Variants in SLC2A14 observed in about 807,000 individuals in gnomAD.
SLC2A14 encodes solute carrier family 2 member 14.
Under a neutral mutation model 43.0 loss-of-function variants are expected in SLC2A14, and 13 were observed. The observed-to-expected ratio is 0.30, with a 90% confidence interval of 0.20 to 0.48. The LOEUF (loss-of-function observed/expected upper bound fraction) is 0.48. Among genes scored for constraint, SLC2A14 ranks in the 20% least tolerant of loss-of-function variants. SLC2A14 has a pLI of 0.99. For synonymous variants in SLC2A14, 190 were observed against 233.8 expected (o/e 0.81, Z 1.71); for missense variants, 428 against 620.4 (o/e 0.69, Z 3.29).
chr12:7,890,898 T>A, intron 1 of SLC2A14: 1 of 1,362,102 alleles, frequency 7.3e-7, no homozygotes, highest in Non-Finnish European at 9.8e-7. Flanking sequence ...ACTGTGCTGA[T>A]TAAGAGAGAC....
At chr12:7,846,100 A>AAAAG (rs137928801) in intron 2 of SLC2A14, among the ~76,000 whole-genome samples, 1 of 152,024 alleles carries the variant, frequency 6.6e-6, no homozygotes, top group Non-Finnish European at 1.5e-5. Context: ...CTAAACAAAA[A>AAAAG]AAAGAAAGAA....
intron 2 of SLC2A14, 134 bp downstream of exon 2, chr12:7,869,729 A>G (rs1442955037): frequency 1.3e-5 from 7 of 553,888 alleles, no homozygotes; most frequent in Admixed American, 1.0e-4. Context: ...TGGCTGTAAC[A>G]GTCTCTCCCA....
intron 5 of SLC2A14, among the ~76,000 whole-genome samples, chr12:7,829,280 G>T (rs1333863043): frequency 1.2e-4 from 19 of 152,034 alleles, no homozygotes; most frequent in Admixed American, 9.2e-4. Context: ...TTTAAAAATT[G>T]CCGGGCACAG....
At chr12:7,818,884 G>A (rs560696820) in intron 9 of SLC2A14, among the ~76,000 whole-genome samples, 118 of 151,770 alleles carry the variant, frequency 7.8e-4, no homozygotes, top group Admixed American at 6.0e-3. Flanking sequence ...CTGAGACCCC[G>A]TCATCATCCA....
rs60468169 is a variant in SLC2A14, at chr12:7,831,124, CA to C, written c.272+479del. On this transcript the variant is annotated intron_variant, in intron 4 of 10. Transcript: ENST00000431042. ...AGGTGACAAGAGCAAGACTCCATCT[CA>C]AAAAAAAAAAAAAAGACGATTCAGT... 4.3e-3 allele frequency: 517 copies of C among 120,270 alleles called. 3 individuals carry two copies. Among genetic ancestry groups the C allele is most frequent in the East Asian group, 0.011 (47 of 4,242 alleles). 7.5% of individuals were successfully genotyped at this position (120,270 alleles called of 1,614,324 possible).
At chr12:7,815,645 C>G (rs762092108) in intron 10 of SLC2A14, among the ~76,000 whole-genome samples, 1 of 151,240 alleles carries the variant, frequency 6.6e-6, no homozygotes, top group East Asian at 2.0e-4. Flanking sequence ...GGCATGAGCT[C>G]CGCTCACAGC....
intron 7 of SLC2A14, among the ~76,000 whole-genome samples, chr12:7,823,137 A>G (rs1238963867): frequency 6.6e-6 from 1 of 152,120 alleles, no homozygotes; most frequent in Non-Finnish European, 1.5e-5. Context: ...AATCCCAGCA[A>G]TTTGGGAGCC....
At chr12:7,885,554 GT>G (rs35993511) in intron 1 of SLC2A14, among the ~76,000 whole-genome samples, 1,514 of 148,908 alleles carry the variant, frequency 0.01, 23 homozygotes, top group Non-Finnish European at 0.016. Context: ...AAATTGGTAA[GT>G]TTTTTTTTTT....
chr12:7,826,124 C>T (rs905999381), intron 7 of SLC2A14, among the ~76,000 whole-genome samples: 11 of 152,100 alleles, frequency 7.2e-5, no homozygotes, highest in Admixed American at 4.6e-4. Flanking sequence ...TCCAGTAATA[C>T]GTGTGGCCTA....
chr12:7,860,130 G>A lies in SLC2A14; in HGVS notation c.18+9733C>T, dbSNP rs143487364. 5.7e-3 allele frequency among the ~76,000 whole-genome samples: 872 copies of A among 152,154 alleles called. 13 individuals carry two copies. Among genetic ancestry groups the A allele is most frequent in the African/African-American group, 0.019 (793 of 41,514 alleles). ...ACCAGGTGGCAGTGTATATCTTTGC[G>A]CCATCCCTCCCAGTACTGGCCCTGG... On this transcript the variant is annotated intron_variant, in intron 2 of 10. Coordinates refer to ENST00000431042, the MANE Select transcript of SLC2A14 (RefSeq NM_001286234.2).
chr12:7,857,894 C>T (rs1032024005), intron 2 of SLC2A14, among the ~76,000 whole-genome samples: 2 of 151,998 alleles, frequency 1.3e-5, no homozygotes, highest in Non-Finnish European at 2.9e-5. Flanking sequence ...GAGGCCAAGG[C>T]AGGAGGATCA....
At chr12:7,888,308 G>T (rs1176666819) in intron 1 of SLC2A14, among the ~76,000 whole-genome samples, 2 of 152,010 alleles carry the variant, frequency 1.3e-5, no homozygotes, top group African/African-American at 4.8e-5. Context: ...AGTAATGAAA[G>T]AAATAAAGAA....
chr12:7,880,260 A>G (rs1945541823), intron 1 of SLC2A14, among the ~76,000 whole-genome samples: 1 of 152,008 alleles, frequency 6.6e-6, no homozygotes, highest in African/African-American at 2.4e-5. Flanking sequence ...AGATCGCGCC[A>G]TTGCACCCTA....
chr12:7,812,996 T>G lies in SLC2A14; in HGVS notation c.*1320A>C, dbSNP rs1472419990. 6.6e-6 allele frequency: 1 copy of G among 151,930 alleles called. No individual in the cohort carries two copies. Among genetic ancestry groups the G allele is most frequent in the East Asian group, 1.9e-4 (1 of 5,196 alleles). The allele number at this position is 151,930 out of a possible 1,614,324, so 9.4% of individuals were successfully genotyped here. On this transcript the variant is annotated 3_prime_UTR_variant, in exon 11 of 11. Coordinates refer to ENST00000431042, the MANE Select transcript of SLC2A14 (RefSeq NM_001286234.2). ...CTCATACTGTCTAAACCTGGTTTAT[T>G]GGAAAGATTCAAGTCCCCTGAGGGC... is the stretch of plus-strand genomic sequence containing the variant.
At chr12:7,881,545 C>G (rs865778964) in intron 1 of SLC2A14, among the ~76,000 whole-genome samples, 14 of 152,258 alleles carry the variant, frequency 9.2e-5, no homozygotes, top group African/African-American at 3.1e-4. Flanking sequence ...ACCTGCAGCC[C>G]GCCATGCCTG....
rs373672151 is a variant in SLC2A14 at position 7,871,034 on chromosome 12, C to T, written c.-57-1097G>A. On this transcript the variant is annotated intron_variant, in intron 1 of 10. Transcript: ENST00000431042. ...GGGGGACAGCACGACAAGCTGGCTT[C>T]ACCGCGGAAGAACCCCATGGATGAA... 2.9e-5 allele frequency: 42 copies of T among 1,427,596 alleles called. No homozygotes were observed. In the South Asian group the frequency reaches 4.7e-4, roughly 16 times the overall value. 88.4% of individuals were successfully genotyped at this position (1,427,596 alleles called of 1,614,324 possible). A position where few individuals can be genotyped will look rare whatever the true frequency, so the allele number is the denominator to read the frequency against.
At chr12:7,874,840 C>CATAAATAT (rs1565584827), upstream of SLC2A14, among the ~76,000 whole-genome samples, 1 of 75,448 alleles carries the variant, frequency 1.3e-5, no homozygotes, top group Non-Finnish European at 2.8e-5. Context: ...TATATAAATA[C>CATAAATAT]GTATTTATAT....
At chr12:7,821,120 A>G (rs1278273093) in intron 8 of SLC2A14, 101 bp downstream of exon 8, 1 of 868,854 alleles carries the variant, frequency 1.2e-6, no homozygotes, top group East Asian at 2.6e-5. Context: ...AAATAACAAA[A>G]AAGGTGTAAC....
chr12:7,835,279 C>G (rs1049064599), intron 2 of SLC2A14, among the ~76,000 whole-genome samples: 49 of 152,072 alleles, frequency 3.2e-4, no homozygotes, highest in African/African-American at 1.1e-3. Context: ...CCCAGCTACT[C>G]AGGAGACTGA....
Sources: allele counts gnomAD v4.1 joint callset (sites outside exome capture counted in the v4.1 genomes callset), GRCh38; gene constraint gnomAD v4.1.1; transcripts MANE v1.5; gene names NCBI Gene and HGNC (gene_info 2026-07-23, HGNC 2026-07-21).